The following GUCY1A2 variants were observed in gnomAD, a reference collection of about 807,000 sequenced individuals.
GUCY1A2 encodes the protein guanylate cyclase 1 soluble subunit alpha 2.
In GUCY1A2, 27 loss-of-function variants were observed where a neutral mutation model predicts 63.5. That is an observed-to-expected ratio of 0.43 (90% CI 0.31 to 0.59). The LOEUF is 0.59. Among genes scored for constraint, GUCY1A2 ranks in the 20% least tolerant of loss-of-function variants. The pLI is 0.11. For synonymous variants in GUCY1A2, 364 were observed against 343.5 expected (o/e 1.06, Z -0.66); for missense variants, 768 against 913.3 (o/e 0.84, Z 2.05).
chr11:106,898,983 C>T (rs1388613004), intron 4 of GUCY1A2, among the ~76,000 whole-genome samples: 1 of 152,074 alleles, frequency 6.6e-6, no homozygotes, highest in African/African-American at 2.4e-5. Context: ...CTGTACCTTC[C>T]ACTCAATTTT....
At chr11:106,761,450 C>T (rs574277696) in intron 6 of GUCY1A2, among the ~76,000 whole-genome samples, 6 of 152,086 alleles carry the variant, frequency 3.9e-5, no homozygotes, top group African/African-American at 9.7e-5. Flanking sequence ...ATAGTTGCAA[C>T]GTTTTTTCAG....
At chr11:106,781,112 C>CAAAAA (rs565279937) in intron 5 of GUCY1A2, among the ~76,000 whole-genome samples, 125 of 88,656 alleles carry the variant, frequency 1.4e-3, no homozygotes, top group African/African-American at 2.6e-3. Flanking sequence ...AAACAGACTA[C>CAAAAA]AAAAAAAAAA....
chr11:106,731,922 T>C (rs1863512810), intron 6 of GUCY1A2, among the ~76,000 whole-genome samples: 1 of 152,168 alleles, frequency 6.6e-6, no homozygotes, highest in African/African-American at 2.4e-5. Flanking sequence ...TGGAAAAACA[T>C]TCTATGTTCA....
intron 6 of GUCY1A2, among the ~76,000 whole-genome samples, chr11:106,718,539 C>T (rs1412404153): frequency 1.3e-5 from 2 of 151,936 alleles, no homozygotes; most frequent in Admixed American, 1.3e-4. Context: ...ATATTTAATA[C>T]CTGATAAGAT....
chr11:106,860,992 G>A (rs74764353), intron 4 of GUCY1A2, among the ~76,000 whole-genome samples: 1,991 of 152,042 alleles, frequency 0.013, 44 homozygotes, highest in African/African-American at 0.045. Context: ...AGGAGGAGGA[G>A]GAGGAAGATG....
chr11:106,787,055 T>C (rs970455067), intron 5 of GUCY1A2, among the ~76,000 whole-genome samples: 1 of 152,180 alleles, frequency 6.6e-6, no homozygotes, highest in East Asian at 1.9e-4. Context: ...ATTTAGCATA[T>C]CAAGTGAAAA....
At chr11:106,887,658 C>A (rs1229257734) in intron 4 of GUCY1A2, among the ~76,000 whole-genome samples, 1 of 152,114 alleles carries the variant, frequency 6.6e-6, no homozygotes, top group African/African-American at 2.4e-5. Context: ...TTCCTGCCAC[C>A]CTTATGTTGT....
intron 3 of GUCY1A2, among the ~76,000 whole-genome samples, chr11:106,955,410 T>C (rs1267969912): frequency 6.6e-6 from 1 of 152,224 alleles, no homozygotes; most frequent in Non-Finnish European, 1.5e-5. Flanking sequence ...TTGGTCTTTA[T>C]ATTTTGCTGT....
chr11:106,770,463 A>G (rs533339435), intron 6 of GUCY1A2, among the ~76,000 whole-genome samples: 2 of 152,232 alleles, frequency 1.3e-5, no homozygotes, highest in African/African-American at 4.8e-5. Flanking sequence ...TTTTTTCTAA[A>G]TACAGTCTCA....
chr11:106,896,327 G>A (rs887375609), intron 4 of GUCY1A2, among the ~76,000 whole-genome samples: 3 of 151,962 alleles, frequency 2.0e-5, no homozygotes, highest in Non-Finnish European at 4.4e-5. Flanking sequence ...ACTTAATAAA[G>A]AATATCTACA....
At chr11:106,925,797 C>T (rs1860513716) in intron 4 of GUCY1A2, among the ~76,000 whole-genome samples, 1 of 152,148 alleles carries the variant, frequency 6.6e-6, no homozygotes, top group Admixed American at 6.5e-5. Flanking sequence ...GTCAATTCAC[C>T]TATGCCATTC....
intron 3 of GUCY1A2, among the ~76,000 whole-genome samples, chr11:106,941,910 G>A (rs1261479983): frequency 1.3e-5 from 2 of 152,152 alleles, no homozygotes; most frequent in Non-Finnish European, 2.9e-5. Flanking sequence ...TCATGGATTG[G>A]ATGCTCAAGA....
chr11:106,865,762 C>T (rs1859583578), intron 4 of GUCY1A2, among the ~76,000 whole-genome samples: 1 of 151,744 alleles, frequency 6.6e-6, no homozygotes, highest in South Asian at 2.1e-4. Flanking sequence ...AATAAACCTG[C>T]ATATTGTGCA....
chr11:106,946,091 TGAG>T (rs1393864535), intron 3 of GUCY1A2, among the ~76,000 whole-genome samples: 1 of 152,064 alleles, frequency 6.6e-6, no homozygotes, highest in Non-Finnish European at 1.5e-5. Flanking sequence ...ACTTGGATGG[TGAG>T]GAGAGGGGAG....
chr11:106,829,554 A>G (rs1365958840), intron 4 of GUCY1A2, among the ~76,000 whole-genome samples: 1 of 152,192 alleles, frequency 6.6e-6, no homozygotes, highest in Admixed American at 6.5e-5. Context: ...TTGAATGTCA[A>G]CTTGATTAGA....
rs190515618 is a variant in GUCY1A2, at chr11:106,770,316, T to C, written c.1836+6123A>G. Among the ~76,000 whole-genome samples, 716 of 152,176 alleles carry C rather than the reference T, an allele frequency of 4.7e-3. 8 individuals are homozygous for C. The highest frequency in any genetic ancestry group is 0.016 in the African/African-American group (684 of 41,548). ...TTGTTAGGCTGTATTATTTAGAGAATGACAAGAAAAAAATGTCTATACATG... is the reference window on the plus strand; with the variant it reads ...TTGTTAGGCTGTATTATTTAGAGAACGACAAGAAAAAAATGTCTATACATG... On this transcript the variant is annotated intron_variant, in intron 6 of 7. Transcript: ENST00000526355.
At chr11:106,993,243 C>T (rs192773727) in intron 1 of GUCY1A2, among the ~76,000 whole-genome samples, 10 of 152,308 alleles carry the variant, frequency 6.6e-5, no homozygotes, top group Admixed American at 2.6e-4. Context: ...CCACCTTCTC[C>T]ATAACATGAG....
chr11:106,789,938 G>A (rs937924521), intron 5 of GUCY1A2, among the ~76,000 whole-genome samples: 1 of 152,042 alleles, frequency 6.6e-6, no homozygotes, highest in Admixed American at 6.5e-5. Context: ...CACTAGGACA[G>A]TGCTGGGTCA....
rs548583707 is a variant in GUCY1A2, at chr11:106,872,450, T to C, written c.1207-61972A>G. ...TACATTCTGAGGCTGGAATGTTCTA[T>C]GAAGAGCATGATAAATAGTTTGAAT... On this transcript the variant is annotated intron_variant, in intron 4 of 7. Coordinates refer to ENST00000526355, the MANE Select transcript of GUCY1A2 (RefSeq NM_000855.3). Among the ~76,000 whole-genome samples the C allele has an allele frequency of 5.9e-5, 9 of 152,306 alleles. No individual in the cohort carries two copies. The South Asian group carries it at 1.7e-3, about 28-fold the overall frequency.
Sources: gnomAD v4.1 joint callset for allele counts (sites outside exome capture counted in the v4.1 genomes callset) on GRCh38, gnomAD v4.1.1 for gene constraint, MANE v1.5 for transcripts, NCBI Gene and HGNC (gene_info 2026-07-23, HGNC 2026-07-21) for gene names.